The following ST18 variants were observed in gnomAD, a reference collection of about 807,000 sequenced individuals.
ST18 encodes the protein ST18 C2H2C-type zinc finger transcription factor.
ST18 carries 50 observed loss-of-function variants against 110.0 expected under a neutral mutation model. That is an observed-to-expected ratio of 0.45 (90% confidence interval 0.36 to 0.58). ST18 has a LOEUF of 0.58. Ranked by LOEUF, ST18 falls within the 20% of genes least tolerant of loss-of-function variation. ST18 has a pLI of 0.00. For synonymous variants in ST18, 461 were observed against 452.4 expected, an observed-to-expected ratio of 1.02 and a Z score of -0.24; for missense variants, 1,306 against 1,280.1, an observed-to-expected ratio of 1.02 and a Z score of -0.31.
At chr8:52,277,477 G>T (rs1417887741) in intron 2 of ST18, among the ~76,000 whole-genome samples, 1 of 152,052 alleles carries the variant, frequency 6.6e-6, no homozygotes, top group Non-Finnish European at 1.5e-5. Flanking sequence ...TTCTAACCAA[G>T]GAAAGAATGT....
chr8:52,315,746 T>C (rs2096013322), intron 2 of ST18, among the ~76,000 whole-genome samples: 1 of 152,224 alleles, frequency 6.6e-6, no homozygotes, highest in Non-Finnish European at 1.5e-5. Context: ...TAACTGCAAC[T>C]TAGCTATATA....
At chr8:52,376,450 C>T (rs549513566) in intron 2 of ST18, among the ~76,000 whole-genome samples, 1 of 152,328 alleles carries the variant, frequency 6.6e-6, no homozygotes, top group East Asian at 1.9e-4. Flanking sequence ...GCAAACCTCA[C>T]CTTCCCTATG....
At chr8:52,366,560 TGCCTGGG>T (rs1590296743) in intron 2 of ST18, among the ~76,000 whole-genome samples, 1 of 152,130 alleles carries the variant, frequency 6.6e-6, no homozygotes, top group East Asian at 1.9e-4. Context: ...CTATTTCCCC[TGCCTGGG>T]ACAGTCACAC....
At chr8:52,195,288 C>T (rs1277468774) in intron 8 of ST18, among the ~76,000 whole-genome samples, 2 of 152,160 alleles carry the variant, frequency 1.3e-5, no homozygotes, top group East Asian at 1.9e-4. Context: ...CAGATACAGA[C>T]ATTTATTACT....
At chr8:52,398,960 G>A (rs546550135) in intron 2 of ST18, among the ~76,000 whole-genome samples, 16 of 152,058 alleles carry the variant, frequency 1.1e-4, no homozygotes, top group South Asian at 2.1e-4. Flanking sequence ...CATAAAATGC[G>A]TTAGGAAGTA....
intron 5 of ST18, among the ~76,000 whole-genome samples, chr8:52,218,359 T>C (rs1334037461): frequency 1.3e-5 from 2 of 151,352 alleles, no homozygotes; most frequent in Non-Finnish European, 1.5e-5. Flanking sequence ...TAGATAGATA[T>C]ATCATGCAGG....
At position 52,343,337 on chromosome 8, in the gene ST18, C is replaced by T. The variant is rs1036125699; in HGVS notation, c.-465+65991G>A. On this transcript the variant is annotated intron_variant, in intron 2 of 25. Coordinates refer to ENST00000689386, the MANE Select transcript of ST18 (RefSeq NM_001352837.2). ...CTGAACTGCTCCCAGATGCGCAGTTCAAGTTCACGCTCCTCATCTCCCTTC... is the reference window on the plus strand; with the variant it reads ...CTGAACTGCTCCCAGATGCGCAGTTTAAGTTCACGCTCCTCATCTCCCTTC... 6.6e-5 allele frequency among the ~76,000 whole-genome samples: 10 copies of T among 152,270 alleles called. 1 individual carries two copies. The highest frequency in any genetic ancestry group is 6.8e-3 in the Middle Eastern group (2 of 294).
chr8:52,190,868 A>C (rs1194815382), intron 8 of ST18, among the ~76,000 whole-genome samples: 1 of 152,212 alleles, frequency 6.6e-6, no homozygotes, highest in African/African-American at 2.4e-5. Flanking sequence ...AGATAAGTCG[A>C]ACGAAGATTC....
At chr8:52,197,177 T>C (rs1431715218) in intron 8 of ST18, among the ~76,000 whole-genome samples, 2 of 152,090 alleles carry the variant, frequency 1.3e-5, no homozygotes, top group African/African-American at 4.8e-5. Context: ...CTTAGAAAAA[T>C]ATCTGCTGCA....
chr8:52,277,806 T>C (rs1477240013), intron 2 of ST18, among the ~76,000 whole-genome samples: 1 of 152,206 alleles, frequency 6.6e-6, no homozygotes, highest in Non-Finnish European at 1.5e-5. Context: ...GTTGCTGAGA[T>C]GAATATATTT....
intron 2 of ST18, among the ~76,000 whole-genome samples, chr8:52,384,183 A>G (rs1265801724): frequency 2.0e-5 from 3 of 152,166 alleles, no homozygotes; most frequent in African/African-American, 7.2e-5. Context: ...ATTACAACCT[A>G]TTTCTATCCC....
chr8:52,382,601 GAAGA>G (rs1021551231), intron 2 of ST18, among the ~76,000 whole-genome samples: 12 of 152,052 alleles, frequency 7.9e-5, no homozygotes, highest in Non-Finnish European at 1.6e-4. Flanking sequence ...ATCGTGTCCA[GAAGA>G]CAAAAAGAAG....
At chr8:52,121,943 T>A (rs2045018117) in intron 23 of ST18, among the ~76,000 whole-genome samples, 1 of 152,194 alleles carries the variant, frequency 6.6e-6, no homozygotes, top group African/African-American at 2.4e-5. Flanking sequence ...CCTCCCAGGT[T>A]CAAGCGATTC....
intron 2 of ST18, among the ~76,000 whole-genome samples, chr8:52,359,640 T>A (rs1195371061): frequency 1.3e-5 from 2 of 152,090 alleles, no homozygotes; most frequent in Non-Finnish European, 2.9e-5. Context: ...ATAAAATGAT[T>A]TGTCCCTATT....
intron 6 of ST18, 68 bp downstream of exon 6, chr8:52,217,678 A>C (rs1406809448): frequency 6.6e-6 from 1 of 152,232 alleles, no homozygotes; most frequent in African/African-American, 2.4e-5. Context: ...AAATGACCAG[A>C]AAATGAAATT....
At chr8:52,171,744 A>G (rs1225680390) in intron 10 of ST18, 48 bp downstream of exon 10, 3 of 1,574,996 alleles carry the variant, frequency 1.9e-6, no homozygotes, top group Non-Finnish European at 2.6e-6. Flanking sequence ...TTTTTTTCAA[A>G]CCCTAATGCA....
rs2060691033 is a variant in ST18, at chr8:52,158,932, A to T, written c.1772T>A (p.Ile591Asn). 5 of 1,613,790 alleles carry T rather than the reference A, an allele frequency of 3.1e-6. No homozygotes were observed. The highest frequency in any genetic ancestry group is 4.2e-6 in the Non-Finnish European group (5 of 1,179,892). Reference sequence around the variant, plus strand: ...CAGACTCTGTGGCTTGTTGGAGAGGATGTCTGTGGCTTCCCTGCAGCGGGT... The same window carrying T: ...CAGACTCTGTGGCTTGTTGGAGAGGTTGTCTGTGGCTTCCCTGCAGCGGGT... The part of the protein sequence containing the change: ...LSTRCREATD[I>N]LSNKPQSLHA... Residue 591 changes from isoleucine (I) to asparagine (N), a missense_variant, in exon 15 of 26, where the codon ATC becomes AAC. Coordinates refer to ENST00000689386, the MANE Select transcript of ST18 (RefSeq NM_001352837.2).
chr8:52,162,380 C>T (rs1350999875), intron 13 of ST18, among the ~76,000 whole-genome samples: 2 of 152,196 alleles, frequency 1.3e-5, no homozygotes, highest in African/African-American at 4.8e-5. Context: ...CTAGGCTCTG[C>T]TCAGTCCTGC....
At position 52,214,181 on chromosome 8, in the gene ST18, T is replaced by C. The variant is rs181919492; in HGVS notation, c.55+22A>G. On this transcript the variant is annotated intron_variant, in intron 7 of 25. Transcript: ENST00000689386. Reference sequence around the variant, plus strand: ...TCATGGTGTGGTGGGCATAGTGTCATAGAACCTGCTTGCTAACTCACCCTC... The same window carrying C: ...TCATGGTGTGGTGGGCATAGTGTCACAGAACCTGCTTGCTAACTCACCCTC... The C allele has an allele frequency of 1.4e-4, 220 of 1,613,870 alleles. No individual in the cohort carries two copies. The African/African-American group carries it at 2.5e-3, about 18-fold the overall frequency.
Sources: allele counts gnomAD v4.1 joint callset (sites outside exome capture counted in the v4.1 genomes callset), GRCh38; gene constraint gnomAD v4.1.1; transcripts MANE v1.5; gene names NCBI Gene and HGNC (gene_info 2026-07-23, HGNC 2026-07-21).